CYYR1: variants seen among roughly 807,000 people sequenced by gnomAD.
CYYR1 encodes the protein cysteine and tyrosine rich 1, also known as cysteine and tyrosine-rich protein 1.
In CYYR1, 14 loss-of-function variants were observed where a neutral mutation model predicts 15.2. The observed-to-expected ratio is 0.92, with a 90% confidence interval of 0.61 to 1.44. The LOEUF (loss-of-function observed/expected upper bound fraction) is 1.44. Ranked by LOEUF, CYYR1 falls within the 40% of genes most tolerant of loss-of-function variation. The probability of loss-of-function intolerance (pLI) is 0.00; values close to 1 mark genes in which losing one functional copy is unlikely to be tolerated. For synonymous variants in CYYR1, 80 were observed against 77.4 expected, an observed-to-expected ratio of 1.03 and a Z score of -0.18; for missense variants, 228 against 209.5, an observed-to-expected ratio of 1.09 and a Z score of -0.54.
rs185668297 is a variant in CYYR1 at position 26,502,263 on chromosome 21, C to T, written c.177-21834G>A. On this transcript the variant is annotated intron_variant, in intron 2 of 3. Coordinates refer to ENST00000652641, the MANE Select transcript of CYYR1 (RefSeq NM_001320768.2). Reference sequence around the variant, plus strand: ...CTGCTCCCCAATGCAAAAGGCATCACGGGCAGAATTTATTTGCTATGTATA... The same window carrying T: ...CTGCTCCCCAATGCAAAAGGCATCATGGGCAGAATTTATTTGCTATGTATA... 1.5e-3 allele frequency among the ~76,000 whole-genome samples: 231 copies of T among 150,078 alleles called. 3 individuals carry two copies. The highest frequency in any genetic ancestry group is 6.5e-4 in the Non-Finnish European group (44 of 67,768).
rs1259491678 is a variant in CYYR1, at chr21:26,481,391, T to C, written c.177-962A>G. Among the ~76,000 whole-genome samples the C allele has an allele frequency of 3.3e-5, 5 of 152,100 alleles. No homozygotes were observed. In the East Asian group the frequency reaches 9.6e-4, roughly 29 times the overall value. ...AAAAAATTCGTCAGAAAAGGAATCT[T>C]ACATATTGATTAAAAAGGGTCAAGA... On this transcript the variant is annotated intron_variant, in intron 2 of 3. Transcript: ENST00000652641.
intron 2 of CYYR1, among the ~76,000 whole-genome samples, chr21:26,520,113 G>GATATATATATATATATATATAT (rs71183558): frequency 8.3e-5 from 10 of 120,700 alleles, no homozygotes; most frequent in Middle Eastern, 4.4e-3. Flanking sequence ...AAACCCAGGA[G>GATATATATATATATATATATAT]ATATATATAT....
intron 2 of CYYR1, among the ~76,000 whole-genome samples, chr21:26,549,321 T>C (rs1397919091): frequency 6.6e-6 from 1 of 152,202 alleles, no homozygotes; most frequent in Non-Finnish European, 1.5e-5. Flanking sequence ...GGATCATTCT[T>C]TTAAAAAGTT....
chr21:26,536,553 C>G (rs1426772700), intron 2 of CYYR1, among the ~76,000 whole-genome samples: 1 of 152,158 alleles, frequency 6.6e-6, no homozygotes, highest in Non-Finnish European at 1.5e-5. Flanking sequence ...GGTTTCGTTT[C>G]AGGAAAGCAT....
intron 2 of CYYR1, among the ~76,000 whole-genome samples, chr21:26,541,658 T>C (rs540512232): frequency 6.6e-6 from 1 of 152,292 alleles, no homozygotes; most frequent in East Asian, 1.9e-4. Flanking sequence ...AGATAAAAAT[T>C]CAGATTTTAA....
In CYYR1 at chr21:26,480,256, C is replaced by T. The variant is rs1344930739; in HGVS notation, c.334+16G>A. ...CTAGCAAATCTGAGCCTTCGAGAGT[C>T]AACAGTTTTGCTCACCAGGATAGGA... On this transcript the variant is annotated intron_variant, in intron 3 of 3. Coordinates refer to ENST00000652641, the MANE Select transcript of CYYR1 (RefSeq NM_001320768.2). The T allele has an allele frequency of 2.1e-5, 34 of 1,596,966 alleles. No homozygotes were observed. Among genetic ancestry groups the T allele is most frequent in the Non-Finnish European group, 2.8e-5 (33 of 1,172,452 alleles).
intron 2 of CYYR1, among the ~76,000 whole-genome samples, chr21:26,504,221 G>GATAT (rs1555906616): frequency 1.6e-5 from 2 of 126,586 alleles, no homozygotes; most frequent in Non-Finnish European, 3.6e-5. Context: ...TACTCTTTGT[G>GATAT]ATGTATTTAT....
intron 2 of CYYR1, chr21:26,503,518 G>C (rs2065511243): frequency 6.6e-6 from 1 of 152,110 alleles, no homozygotes; most frequent in Non-Finnish European, 1.5e-5. Context: ...ATATTCGTAT[G>C]TGTGTGAAAT....
Position 26,480,280 on chromosome 21 carries a change from G to A in CYYR1, c.326C>T (p.Ser109Phe). 6.2e-7 allele frequency: 1 copy of A among 1,611,062 alleles called. No homozygotes were observed. Among genetic ancestry groups the A allele is most frequent in the South Asian group, 1.1e-5 (1 of 90,488 alleles). The change falls in exon 3 of 4, where the codon TCC becomes TTC. Residue 109 changes from serine to phenylalanine, a missense_variant. Ser to Phe is a radical substitution (Grantham distance 155). Transcript: ENST00000652641. ...LRTTHINTVSSYPAGPPPYGH... is the reference protein window; with the variant it reads ...LRTTHINTVSFYPAGPPPYGH... ...TCAACAGTTTTGCTCACCAGGATAG[G>A]AGGAGACGGTGTTGATGTGAGTCGT...
chr21:26,560,476 G>A (rs1055052769), intron 2 of CYYR1, among the ~76,000 whole-genome samples: 3 of 152,158 alleles, frequency 2.0e-5, no homozygotes, highest in Non-Finnish European at 4.4e-5. Context: ...ACTAGAAGTG[G>A]TAGAAGGCAC....
At chr21:26,506,218 TTTAATTC>T in intron 2 of CYYR1, among the ~76,000 whole-genome samples, 1 of 152,256 alleles carries the variant, frequency 6.6e-6, no homozygotes, top group South Asian at 2.1e-4. Context: ...CTAGCTAGAC[TTTAATTC>T]TCACCCATTA....
chr21:26,520,795 C>G (rs1418166294), intron 2 of CYYR1, among the ~76,000 whole-genome samples: 1 of 152,148 alleles, frequency 6.6e-6, no homozygotes, highest in Non-Finnish European at 1.5e-5. Context: ...GATGGTATCT[C>G]CTTGTGGTTT....
chr21:26,489,275 C>T (rs1237788608), intron 2 of CYYR1, among the ~76,000 whole-genome samples: 2 of 152,084 alleles, frequency 1.3e-5, no homozygotes, highest in Admixed American at 1.3e-4. Context: ...AAAAAGTGCT[C>T]TTGAATATGT....
At chr21:26,479,460 TA>T (rs1039768096) in intron 3 of CYYR1, among the ~76,000 whole-genome samples, 29 of 152,136 alleles carry the variant, frequency 1.9e-4, no homozygotes, top group African/African-American at 7.0e-4. Context: ...AAGAGTGTGT[TA>T]AATTTAGAAC....
intron 2 of CYYR1, among the ~76,000 whole-genome samples, chr21:26,528,937 T>G (rs2065897508): frequency 6.6e-6 from 1 of 152,224 alleles, no homozygotes; most frequent in Admixed American, 6.5e-5. Context: ...ACAGGTGGGC[T>G]AACACTACAA....
intron 2 of CYYR1, among the ~76,000 whole-genome samples, chr21:26,522,543 C>T (rs2065815242): frequency 2.0e-5 from 3 of 152,194 alleles, no homozygotes; most frequent in African/African-American, 7.2e-5. Flanking sequence ...GCTTTCACAT[C>T]TTACATTTCC....
At chr21:26,477,027 A>G (rs219672) in intron 3 of CYYR1, among the ~76,000 whole-genome samples, 40,940 of 152,048 alleles carry the variant, frequency 0.27, 6,079 homozygotes, top group Non-Finnish European at 0.34. Context: ...ACATAGGGTC[A>G]GGTATGACAG....
intron 3 of CYYR1, chr21:26,471,319 T>C (rs1279488589): frequency 1.3e-5 from 2 of 152,238 alleles, no homozygotes; most frequent in African/African-American, 2.4e-5. Context: ...CAGCTGATTC[T>C]GCAGATTGAC....
intron 2 of CYYR1, among the ~76,000 whole-genome samples, chr21:26,484,373 T>C (rs1601736275): frequency 6.6e-6 from 1 of 152,212 alleles, no homozygotes; most frequent in East Asian, 1.9e-4. Flanking sequence ...CCCACCTACA[T>C]ACAAAAATAG....
Sources: allele counts gnomAD v4.1 joint callset (sites outside exome capture counted in the v4.1 genomes callset), GRCh38; gene constraint gnomAD v4.1.1; transcripts MANE v1.5; gene names NCBI Gene and HGNC (gene_info 2026-07-23, HGNC 2026-07-21).